Variants in MYO7B observed in about 807,000 individuals in gnomAD.
The protein encoded by MYO7B is myosin VIIB.
Under a neutral mutation model 259.7 loss-of-function variants are expected in MYO7B, and 212 were observed. The observed-to-expected ratio is 0.82, with a 90% CI of 0.73 to 0.91. The LOEUF is 0.91. Ranked by LOEUF, MYO7B falls within the 40% of genes least tolerant of loss-of-function variation. The probability of loss-of-function intolerance (pLI) is 0.00; values close to 1 mark genes in which losing one functional copy is unlikely to be tolerated. For missense variants in MYO7B, 2,732 were observed against 2,813.5 expected (o/e 0.97, Z 0.66); for synonymous variants, 1,197 against 1,166.4 (o/e 1.03, Z -0.54).
intron 3 of MYO7B, among the ~76,000 whole-genome samples, 192 bp from the exon 4 acceptor site, chr2:127,565,041 C>CAA (rs1558802348): frequency 4.6e-5 from 7 of 152,166 alleles, no homozygotes; most frequent in African/African-American, 1.4e-4. Flanking sequence ...ATAGATGGAC[C>CAA]GGATCCTGCC....
At chr2:127,626,663 C>G (rs1237076314) in intron 31 of MYO7B, 3 of 264,448 alleles carry the variant, frequency 1.1e-5, no homozygotes, top group Non-Finnish European at 2.2e-5. Flanking sequence ...CCTGTAGTCC[C>G]AGCTACTCGG....
chr2:127,563,386 A>C (rs1678185394), intron 2 of MYO7B, among the ~76,000 whole-genome samples: 1 of 152,220 alleles, frequency 6.6e-6, no homozygotes, highest in South Asian at 2.1e-4. Context: ...AGTGCAGGCT[A>C]GCAGAAATCT....
intron 26 of MYO7B, among the ~76,000 whole-genome samples, chr2:127,619,225 G>A (rs1321998858): frequency 2.2e-5 from 3 of 137,276 alleles, no homozygotes; most frequent in African/African-American, 5.5e-5. Flanking sequence ...GGTGGTGGGG[G>A]GTGGTTGGGT....
Position 127,631,768 on chromosome 2 carries a change from C to T in MYO7B, c.5249+15C>T, listed in dbSNP as rs10208043. On this transcript the variant is annotated intron_variant, in intron 38 of 47. Coordinates refer to ENST00000409816, the MANE Select transcript of MYO7B (RefSeq NM_001393586.1). ...AACTCCAACAGGTCTGCTGGGGCGG[C>T]GGCCAGCCCACGCGGGCACCCTCAG... The T allele has an allele frequency of 0.41, 658,828 of 1,609,528 alleles. 137,609 individuals carry two copies. The highest frequency in any genetic ancestry group is 0.53 in the South Asian group (48,386 of 90,762).
At chr2:127,589,574 A>AGTGGGTGGATGGGTGGTGT (rs1679463716) in intron 15 of MYO7B, among the ~76,000 whole-genome samples, 1 of 84,778 alleles carries the variant, frequency 1.2e-5, no homozygotes, top group Non-Finnish European at 2.4e-5. Flanking sequence ...ATGGGTGGTG[A>AGTGGGTGGATGGGTGGTGT]GTAGGTGGAT....
In MYO7B at chr2:127,627,350, T is replaced by A; in HGVS notation, c.4460+40T>A. 6.2e-7 allele frequency: 1 copy of A among 1,601,524 alleles called. No homozygotes were observed. The highest frequency in any genetic ancestry group is 8.5e-7 in the Non-Finnish European group (1 of 1,173,104). ...GGAAGATCTCTTCTTACACACTGAG[T>A]CCTTGTGATGCATCTGGGGGCTCGG... On this transcript the variant is annotated intron_variant, in intron 33 of 47. Coordinates refer to ENST00000409816, the MANE Select transcript of MYO7B (RefSeq NM_001393586.1). The surrounding 1 kb of genome is among the most constrained non-coding windows in gnomAD (Gnocchi z 5.6).
chr2:127,627,340 A>G lies in MYO7B; in HGVS notation c.4460+30A>G. 6.2e-7 allele frequency: 1 copy of G among 1,609,810 alleles called. No homozygotes were observed. Among genetic ancestry groups the G allele is most frequent in the South Asian group, 1.1e-5 (1 of 90,722 alleles). ...GGGCCCTGAGGGAAGATCTCTTCTT[A>G]CACACTGAGTCCTTGTGATGCATCT... On this transcript the variant is annotated intron_variant, in intron 33 of 47. Transcript: ENST00000409816. This position sits in a 1 kb window ranked among gnomAD's most constrained non-coding sequence, Gnocchi z 5.6.
At position 127,613,823 on chromosome 2, in the gene MYO7B, C is replaced by T. The variant is rs1360357570; in HGVS notation, c.3398+1220C>T. ...TAGAATCCCTTTTTAGTTATTTTAG[C>T]CTTGGCTAGAGTACCTGGAGTCTGC... On this transcript the variant is annotated intron_variant, in intron 26 of 47. Coordinates refer to ENST00000409816, the MANE Select transcript of MYO7B (RefSeq NM_001393586.1). The surrounding 1 kb of genome is among the most constrained non-coding windows in gnomAD (Gnocchi z 4.3). Among the ~76,000 whole-genome samples, 1 of 152,176 alleles carries T rather than the reference C, an allele frequency of 6.6e-6. No homozygotes were observed. The highest frequency in any genetic ancestry group is 1.5e-5 in the Non-Finnish European group (1 of 68,030).
At chr2:127,569,668 G>C (rs1376843216) in intron 5 of MYO7B, 121 bp from the exon 6 acceptor site, 4 of 1,297,754 alleles carry the variant, frequency 3.1e-6, no homozygotes, top group South Asian at 3.2e-5. Flanking sequence ...ATTTCTGCAG[G>C]GGAGAGGCCA....
chr2:127,577,252 G>T lies in MYO7B; in HGVS notation c.849+544G>T, dbSNP rs1678907197. On this transcript the variant is annotated intron_variant, in intron 8 of 47. Transcript: ENST00000409816. This position sits in a 1 kb window ranked among gnomAD's most constrained non-coding sequence, Gnocchi z 5.2. ...GTGGACCCAGAGCATTCTGCCTCTG[G>T]GATCTCTCCCATGCAACCCTCTCTC... Among the ~76,000 whole-genome samples, 1 of 152,000 alleles carries T rather than the reference G, an allele frequency of 6.6e-6. No individual in the cohort carries two copies. Among genetic ancestry groups the T allele is most frequent in the South Asian group, 2.1e-4 (1 of 4,824 alleles).
At chr2:127,547,082 A>C (rs1156976607) in intron 1 of MYO7B, among the ~76,000 whole-genome samples, 1 of 151,638 alleles carries the variant, frequency 6.6e-6, no homozygotes, top group Non-Finnish European at 1.5e-5. Context: ...TCATCCATCT[A>C]CCTATCCATC....
chr2:127,593,487 A>C (rs1679648017), intron 17 of MYO7B, 59 bp from the exon 18 acceptor site: 1 of 1,514,328 alleles, frequency 6.6e-7, no homozygotes, highest in Admixed American at 1.8e-5. Flanking sequence ...CCACCCCCAG[A>C]GAGCCGCCGA....
intron 6 of MYO7B, among the ~76,000 whole-genome samples, chr2:127,570,245 G>A (rs1360753427): frequency 6.6e-6 from 1 of 152,144 alleles, no homozygotes; most frequent in African/African-American, 2.4e-5. Flanking sequence ...AGCAGTTGCT[G>A]GGCCAGAGTG....
rs1262204305 is a variant in MYO7B, at chr2:127,584,355, C to T, written c.1554+23C>T. On this transcript the variant is annotated intron_variant, in intron 13 of 47. Transcript: ENST00000409816. This position sits in a 1 kb window ranked among gnomAD's most constrained non-coding sequence, Gnocchi z 5.8. ...CAGGTGTGTGTTCGGGCCTGCCGAC[C>T]TTCTGGTGGAGGCCCTGCTATGGGT... 1 of 1,610,690 alleles carries T rather than the reference C, an allele frequency of 6.2e-7. No individual in the cohort carries two copies. Among genetic ancestry groups the T allele is most frequent in the South Asian group, 1.1e-5 (1 of 90,944 alleles).
intron 1 of MYO7B, among the ~76,000 whole-genome samples, chr2:127,550,308 G>A (rs911832628): frequency 2.0e-5 from 3 of 152,192 alleles, no homozygotes; most frequent in Admixed American, 6.5e-5. Flanking sequence ...GCTCATGCCT[G>A]TAATCCCAGC....
chr2:127,632,546 C>A, intron 39 of MYO7B, 145 bp downstream of exon 39: 2 of 1,120,172 alleles, frequency 1.8e-6, no homozygotes, highest in East Asian at 5.7e-5. Flanking sequence ...GGATTGGGCC[C>A]CGAGCTGCCA....
intron 10 of MYO7B, 52 bp downstream of exon 10, chr2:127,580,874 T>A: frequency 6.5e-7 from 1 of 1,530,942 alleles, no homozygotes; most frequent in East Asian, 2.3e-5. Flanking sequence ...CTCAGAGGCC[T>A]GGGCTGACAG....
intron 1 of MYO7B, among the ~76,000 whole-genome samples, chr2:127,544,006 C>T (rs960214566): frequency 9.9e-5 from 15 of 152,100 alleles, no homozygotes; most frequent in Non-Finnish European, 1.5e-4. Flanking sequence ...CTCCTGACCT[C>T]GTGATCTGCC....
chr2:127,627,838 C>T lies in MYO7B; in HGVS notation c.4460+528C>T, dbSNP rs1287419953. On this transcript the variant is annotated intron_variant, in intron 33 of 47. Coordinates refer to ENST00000409816, the MANE Select transcript of MYO7B (RefSeq NM_001393586.1). The surrounding 1 kb of genome is among the most constrained non-coding windows in gnomAD (Gnocchi z 5.6). Reference sequence around the variant, plus strand: ...CCCACCCAAGCCCTGCCAGAGCGCCCCTTGGTTGAAGCACACAACAGAGTG... The same window carrying T: ...CCCACCCAAGCCCTGCCAGAGCGCCTCTTGGTTGAAGCACACAACAGAGTG... 2.2e-6 allele frequency: 1 copy of T among 458,048 alleles called. No homozygotes were observed. The allele number at this position is 458,048 out of a possible 1,614,324, so 28.4% of individuals were successfully genotyped here. A position where few individuals can be genotyped will look rare whatever the true frequency, so the allele number is the denominator to read the frequency against.
Sources: gnomAD v4.1 joint callset for allele counts (sites outside exome capture counted in the v4.1 genomes callset) on GRCh38, gnomAD v4.1.1 for gene constraint, Gnocchi (gnomAD v3.1) non-coding constraint, MANE v1.5 for transcripts, NCBI Gene and HGNC (gene_info 2026-07-23, HGNC 2026-07-21) for gene names.